CHFR: variants seen among roughly 807,000 people sequenced by gnomAD.
CHFR encodes E3 ubiquitin-protein ligase CHFR.
A neutral mutation model predicts 87.6 loss-of-function variants in CHFR; 57 were observed. The ratio of observed to expected loss-of-function variants is 0.65; its 90% CI spans 0.53 to 0.81. CHFR has a LOEUF of 0.81. CHFR is among the 30% of genes least tolerant of loss of function. CHFR has a pLI of 0.00. For synonymous variants in CHFR, 381 were observed against 359.2 expected (o/e 1.06, Z -0.69); for missense variants, 797 against 865.8 (o/e 0.92, Z 1.00).
At chr12:132,886,927 T>A (rs899367961) in intron 2 of CHFR, among the ~76,000 whole-genome samples, 16 of 152,236 alleles carry the variant, frequency 1.1e-4, no homozygotes, top group African/African-American at 3.6e-4. Context: ...TCAGAAAAGA[T>A]ACTCTGTACG....
At chr12:132,861,844 G>T in intron 6 of CHFR, 1 of 542,490 alleles carries the variant, frequency 1.8e-6, no homozygotes, top group South Asian at 2.5e-5. Flanking sequence ...GGAGCTGGGG[G>T]CAAGGAGCCC....
At chr12:132,851,552 G>T in intron 12 of CHFR, 66 bp downstream of exon 12, 1 of 1,507,668 alleles carries the variant, frequency 6.6e-7, no homozygotes, top group Non-Finnish European at 8.9e-7. Flanking sequence ...GGCCAACACC[G>T]CTTTGAAACC....
intron 5 of CHFR, 120 bp from the exon 6 acceptor site, chr12:132,869,918 C>G: frequency 8.2e-7 from 1 of 1,219,368 alleles, no homozygotes; most frequent in Non-Finnish European, 1.2e-6. Flanking sequence ...AAGAATGCAA[C>G]AGCCCCAAGG....
At chr12:132,843,274 C>T (rs1950740683) in intron 16 of CHFR, among the ~76,000 whole-genome samples, 191 bp from the exon 17 acceptor site, 4 of 152,070 alleles carry the variant, frequency 2.6e-5, no homozygotes, top group African/African-American at 9.7e-5. Context: ...AAAAACCCAA[C>T]TGAGGGTCAG....
intron 3 of CHFR, 46 bp from the exon 4 acceptor site, chr12:132,872,440 G>A (rs1442530475): frequency 2.1e-6 from 3 of 1,436,210 alleles, no homozygotes; most frequent in South Asian, 1.2e-5. Flanking sequence ...AAATAACTTG[G>A]AGTTACAAGA....
chr12:132,869,999 A>T (rs1474560695), intron 5 of CHFR, among the ~76,000 whole-genome samples: 1 of 152,086 alleles, frequency 6.6e-6, no homozygotes, highest in Non-Finnish European at 1.5e-5. Flanking sequence ...TCCTGAGGTC[A>T]GGAGTTCGAG....
rs768264977 is a variant in CHFR at position 132,848,633 on chromosome 12, A to C, written c.1576+8T>G. 70 of 1,585,016 alleles carry C rather than the reference A, an allele frequency of 4.4e-5. No individual in the cohort carries two copies. The highest frequency in any genetic ancestry group is 5.6e-5 in the Non-Finnish European group (65 of 1,165,258). On this transcript the variant is annotated splice_region_variant and intron_variant, in intron 13 of 17. Transcript: ENST00000450056. Reference sequence around the variant, plus strand: ...CAAAGCAACTGGGGCCTGAAGAGCCAGTATTACCACAAAACGGGGCCAGGC... The same window carrying C: ...CAAAGCAACTGGGGCCTGAAGAGCCCGTATTACCACAAAACGGGGCCAGGC...
intron 14 of CHFR, chr12:132,847,398 T>C (rs1950853810): frequency 1.6e-5 from 19 of 1,204,822 alleles, no homozygotes; most frequent in Non-Finnish European, 1.9e-5. Context: ...ACAGCCCAGG[T>C]GTGAATGAGA....
chr12:132,870,091 A>G (rs1218682853), intron 5 of CHFR, among the ~76,000 whole-genome samples: 1 of 151,738 alleles, frequency 6.6e-6, no homozygotes, highest in Non-Finnish European at 1.5e-5. Flanking sequence ...GGTGGCTCAT[A>G]CCTGTAATCC....
chr12:132,874,450 C>T (rs1275727320), intron 3 of CHFR, among the ~76,000 whole-genome samples: 3 of 149,588 alleles, frequency 2.0e-5, no homozygotes, highest in African/African-American at 7.4e-5. Flanking sequence ...CTGATGTAGG[C>T]GGGAAGGCCC....
Position 132,870,765 on chromosome 12 carries a change from T to C in CHFR, c.362A>G (p.Glu121Gly). 6.2e-7 allele frequency: 1 copy of C among 1,611,138 alleles called. No individual in the cohort carries two copies. Among genetic ancestry groups the C allele is most frequent in the Non-Finnish European group, 8.5e-7 (1 of 1,177,414 alleles). The part of the protein sequence containing the change: ...EPEHNVAYLY[E>G]SLSEKQGMTQ... The stretch of plus-strand genomic sequence containing the variant: ...CATGCCTTGCTTTTCACTTAAAGAT[T>C]CATAGAGGTATGCCACGTCTAAAAG... The change falls in exon 5 of 18, where the codon GAA (glutamate) becomes GGA (glycine). Residue 121 changes from glutamate to glycine, a missense_variant. This residue lies in a region of CHFR where 597 missense variants were observed against 601.2 expected (regional missense o/e 0.99). Transcript: ENST00000450056.
intron 2 of CHFR, among the ~76,000 whole-genome samples, chr12:132,884,185 G>A (rs369154068): frequency 7.3e-5 from 11 of 151,614 alleles, no homozygotes; most frequent in African/African-American, 2.4e-4. Flanking sequence ...TTGGGAAGCC[G>A]AGGCGGGTGG....
chr12:132,845,712 C>T (rs1431317501), intron 15 of CHFR, among the ~76,000 whole-genome samples: 2 of 151,990 alleles, frequency 1.3e-5, no homozygotes, highest in African/African-American at 4.8e-5. Flanking sequence ...GCATCGTGTG[C>T]CCCCCTGGAG....
intron 2 of CHFR, 28 bp downstream of exon 2, chr12:132,887,168 G>A (rs768372108): frequency 6.9e-7 from 1 of 1,454,268 alleles, no homozygotes; most frequent in South Asian, 1.3e-5. Context: ...CCCGGCCCCG[G>A]CCCCCGGCCC....
chr12:132,885,102 TAAAATA>T (rs1279253754), intron 2 of CHFR, among the ~76,000 whole-genome samples: 1 of 148,566 alleles, frequency 6.7e-6, no homozygotes, highest in Non-Finnish European at 1.5e-5. Context: ...ATTAAAAAAA[TAAAATA>T]AAATAAAAAA....
chr12:132,860,904 CA>C (rs1176487798), intron 7 of CHFR, among the ~76,000 whole-genome samples: 7 of 152,180 alleles, frequency 4.6e-5, no homozygotes, highest in Admixed American at 1.3e-4. Context: ...AGGCATGCAC[CA>C]CCACACCCAG....
Position 132,865,697 on chromosome 12 carries a change from T to C in CHFR, c.583+3922A>G, listed in dbSNP as rs550909225. On this transcript the variant is annotated intron_variant, in intron 6 of 17. Transcript: ENST00000450056. ...TTTTTTGAGATGGGCTCTGGCTTTG[T>C]TGCCAAGGCTGGAGTGCAGTGGTGC... 6.1e-5 allele frequency among the ~76,000 whole-genome samples: 9 copies of C among 148,208 alleles called. No homozygotes were observed. In the South Asian group the frequency reaches 2.0e-3, roughly 33 times the overall value.
intron 2 of CHFR, among the ~76,000 whole-genome samples, chr12:132,881,649 C>T (rs1030287999): frequency 2.0e-5 from 3 of 152,130 alleles, no homozygotes; most frequent in Admixed American, 6.5e-5. Flanking sequence ...GGGCGGATCA[C>T]ATGGTCAAGA....
intron 4 of CHFR, among the ~76,000 whole-genome samples, chr12:132,871,202 A>G (rs1951479702): frequency 6.6e-6 from 1 of 152,222 alleles, no homozygotes; most frequent in Non-Finnish European, 1.5e-5. Context: ...CTGTAATCCC[A>G]GCACTCTGGG....
Sources: allele counts gnomAD v4.1 joint callset (sites outside exome capture counted in the v4.1 genomes callset), GRCh38; gene constraint gnomAD v4.1.1; regional missense constraint gnomAD v4.1.1; transcripts MANE v1.5; gene names NCBI Gene and HGNC (gene_info 2026-07-23, HGNC 2026-07-21).